Variants in ZSWIM6 observed in about 807,000 individuals in gnomAD.
ZSWIM6 encodes the protein zinc finger SWIM-type containing 6, also known as zinc finger SWIM domain-containing protein 6.
ZSWIM6 carries 9 observed loss-of-function variants against 113.2 expected under a neutral mutation model. That is an observed-to-expected ratio of 0.08 (90% confidence interval 0.05 to 0.14). ZSWIM6 has a LOEUF of 0.14. Ranked by LOEUF, ZSWIM6 falls within the 10% of genes least tolerant of loss-of-function variation. The pLI, the probability that ZSWIM6 is intolerant of heterozygous loss-of-function variation, is 1.00. For synonymous variants in ZSWIM6, 611 were observed against 606.5 expected (o/e 1.01, Z -0.11); for missense variants, 1,162 against 1,552.2 (o/e 0.75, Z 4.22).
intron 1 of ZSWIM6, among the ~76,000 whole-genome samples, chr5:61,374,655 G>A (rs537401047): frequency 5.3e-5 from 8 of 152,066 alleles, no homozygotes; most frequent in Non-Finnish European, 7.4e-5. Flanking sequence ...CCGGGTTCAC[G>A]CCATTCTCCT....
intron 1 of ZSWIM6, among the ~76,000 whole-genome samples, chr5:61,393,673 G>C (rs1745777531): frequency 2.0e-5 from 3 of 151,274 alleles, no homozygotes; most frequent in Non-Finnish European, 4.4e-5. Flanking sequence ...GGGGGGCGGA[G>C]GTTGCAGTGA....
intron 1 of ZSWIM6, among the ~76,000 whole-genome samples, chr5:61,465,615 C>T (rs1212966711): frequency 6.6e-6 from 1 of 152,110 alleles, no homozygotes; most frequent in East Asian, 1.9e-4. Flanking sequence ...TAAGAATCTA[C>T]ATTAATGAGA....
chr5:61,393,337 C>T (rs1294292642), intron 1 of ZSWIM6, among the ~76,000 whole-genome samples: 1 of 152,244 alleles, frequency 6.6e-6, no homozygotes, highest in South Asian at 2.1e-4. Context: ...TGAGCCACTG[C>T]ACCCGGCCTC....
chr5:61,465,480 C>T (rs906392112), intron 1 of ZSWIM6, among the ~76,000 whole-genome samples: 3 of 151,204 alleles, frequency 2.0e-5, no homozygotes, highest in African/African-American at 7.3e-5. Context: ...TCTAGGTGCC[C>T]ACTGCAGATA....
In ZSWIM6 at chr5:61,545,353, G is replaced by C. The variant is rs1749858742; in HGVS notation, c.*1036G>C. ...CTTATAACAGGCACTAGAATAAAGA[G>C]GGACAACAAAATACACAGCCAGAGC... On this transcript the variant is annotated 3_prime_UTR_variant, in exon 14 of 14. Coordinates refer to ENST00000252744, the MANE Select transcript of ZSWIM6 (RefSeq NM_020928.2). 6.6e-6 allele frequency: 1 copy of C among 151,946 alleles called. No individual in the cohort carries two copies. The highest frequency in any genetic ancestry group is 1.5e-5 in the Non-Finnish European group (1 of 67,974). The allele number at this position is 151,946 out of a possible 1,614,324, so 9.4% of individuals were successfully genotyped here.
intron 12 of ZSWIM6, among the ~76,000 whole-genome samples, chr5:61,541,243 G>A (rs6878812): frequency 0.035 from 5,390 of 152,056 alleles, 338 homozygotes; most frequent in African/African-American, 0.12. Flanking sequence ...GCACCTGACC[G>A]TCCCTGGATA....
Position 61,332,712 on chromosome 5 carries a change from C to T in ZSWIM6, c.440C>T (p.Ala147Val). ...GACGACAGCGGTGGCGGCGGCGGCG[C>T]GGGCGGCGGCGGCGGCGGCGGCTCC... Reference protein sequence around the residue: ...PGDDSGGGGGAGGGGGGGSSS... With the variant: ...PGDDSGGGGGVGGGGGGGSSS... Residue 147 changes from alanine to valine, a missense_variant, in exon 1 of 14, where the codon GCG becomes GTG. Ala to Val is a moderately conservative substitution (Grantham distance 64). This residue lies in a region of ZSWIM6 where 333 missense variants were observed against 293.4 expected (regional missense o/e 1.13). Transcript: ENST00000252744. 1 of 958,150 alleles carries T rather than the reference C, an allele frequency of 1.0e-6. No individual in the cohort carries two copies. Among genetic ancestry groups the T allele is most frequent in the Non-Finnish European group, 1.2e-6 (1 of 816,274 alleles). 59.4% of individuals were successfully genotyped at this position (958,150 alleles called of 1,614,324 possible).
At chr5:61,510,646 A>G (rs1444804576) in intron 4 of ZSWIM6, among the ~76,000 whole-genome samples, 1 of 152,138 alleles carries the variant, frequency 6.6e-6, no homozygotes, top group East Asian at 1.9e-4. Context: ...TGGATGTTAG[A>G]GAAAAGCTAG....
chr5:61,530,018 C>T (rs1749388000), intron 7 of ZSWIM6, 34 bp from the exon 8 acceptor site: 3 of 1,516,650 alleles, frequency 2.0e-6, no homozygotes, highest in African/African-American at 2.8e-5. Flanking sequence ...CTCCCTTCTA[C>T]TCCCCCATTT....
At chr5:61,350,623 T>C (rs1744763598) in intron 1 of ZSWIM6, among the ~76,000 whole-genome samples, 1 of 152,226 alleles carries the variant, frequency 6.6e-6, no homozygotes, top group African/African-American at 2.4e-5. Flanking sequence ...TTAGCAATCT[T>C]AGATTGTTGT....
chr5:61,463,515 A>G (rs575378491), intron 1 of ZSWIM6, among the ~76,000 whole-genome samples: 41 of 152,248 alleles, frequency 2.7e-4, no homozygotes, highest in Non-Finnish European at 4.8e-4. Flanking sequence ...TATGGGGTCC[A>G]GCAATCTTTG....
chr5:61,517,893 C>G (rs1355777261), intron 4 of ZSWIM6, among the ~76,000 whole-genome samples: 1 of 150,270 alleles, frequency 6.7e-6, no homozygotes. Flanking sequence ...GTGCTGCACC[C>G]ACTAACTCGT....
chr5:61,477,864 C>T (rs1428694862), intron 2 of ZSWIM6, among the ~76,000 whole-genome samples: 2 of 152,136 alleles, frequency 1.3e-5, no homozygotes, highest in South Asian at 2.1e-4. Flanking sequence ...GTATGACTGT[C>T]ATTGTTCGTT....
At chr5:61,392,401 A>G (rs977877382) in intron 1 of ZSWIM6, among the ~76,000 whole-genome samples, 2 of 152,220 alleles carry the variant, frequency 1.3e-5, no homozygotes, top group East Asian at 1.9e-4. Flanking sequence ...ATGAAAATCT[A>G]TCTTTCTGTA....
chr5:61,353,754 G>A (rs1166673332), intron 1 of ZSWIM6, among the ~76,000 whole-genome samples: 1 of 151,180 alleles, frequency 6.6e-6, no homozygotes, highest in East Asian at 1.9e-4. Flanking sequence ...ACAACATTTA[G>A]TGACATAAAT....
intron 4 of ZSWIM6, among the ~76,000 whole-genome samples, chr5:61,519,244 T>C (rs1031102668): frequency 2.6e-5 from 4 of 152,204 alleles, no homozygotes; most frequent in Admixed American, 6.5e-5. Flanking sequence ...CTCATGCACA[T>C]GAAGTGTGAC....
At chr5:61,462,541 G>A (rs1410319661) in intron 1 of ZSWIM6, among the ~76,000 whole-genome samples, 1 of 152,204 alleles carries the variant, frequency 6.6e-6, no homozygotes, top group Non-Finnish European at 1.5e-5. Flanking sequence ...CTATGGATTA[G>A]CACAACAACA....
chr5:61,527,391 C>T (rs1749316903), intron 7 of ZSWIM6, among the ~76,000 whole-genome samples: 1 of 152,030 alleles, frequency 6.6e-6, no homozygotes, highest in African/African-American at 2.4e-5. Flanking sequence ...GGTGATTATA[C>T]ACATACTAGA....
intron 1 of ZSWIM6, among the ~76,000 whole-genome samples, chr5:61,409,777 C>T (rs1391469868): frequency 6.6e-6 from 1 of 151,986 alleles, no homozygotes; most frequent in Non-Finnish European, 1.5e-5. Flanking sequence ...GTGAGAGCTG[C>T]GGGTGGGTAA....
Sources: allele counts gnomAD v4.1 joint callset (sites outside exome capture counted in the v4.1 genomes callset), GRCh38; gene constraint gnomAD v4.1.1; regional missense constraint gnomAD v4.1.1; transcripts MANE v1.5; gene names NCBI Gene and HGNC (gene_info 2026-07-23, HGNC 2026-07-21).